The following RELL1 variants were observed in gnomAD, a reference collection of about 807,000 sequenced individuals.
RELL1 encodes the protein RELT-like protein 1.
A neutral mutation model predicts 23.0 loss-of-function variants in RELL1; 10 were observed. The observed-to-expected ratio is 0.43, with a 90% CI of 0.27 to 0.74. The LOEUF (loss-of-function observed/expected upper bound fraction) is 0.74, where lower values mean the gene tolerates loss of function less well. RELL1 is among the 30% of genes least tolerant of loss of function. The pLI is 0.19. For missense variants in RELL1, 315 were observed against 364.4 expected, an observed-to-expected ratio of 0.86 and a Z score of 1.10; for synonymous variants, 146 against 146.8, an observed-to-expected ratio of 0.99 and a Z score of 0.04.
downstream of RELL1, among the ~76,000 whole-genome samples, chr4:37,605,781 GAGAGAAAGAA>G (rs1719176732): frequency 8.4e-6 from 1 of 119,600 alleles, no homozygotes; most frequent in Non-Finnish European, 1.7e-5. Context: ...GAGAGAGAGA[GAGAGAAAGAA>G]AGAGAAAGAA....
chr4:37,598,521 A>G (rs1446823445), intron 6 of RELL1, among the ~76,000 whole-genome samples: 2 of 152,100 alleles, frequency 1.3e-5, no homozygotes, highest in Non-Finnish European at 2.9e-5. Flanking sequence ...TAAGTACTGC[A>G]CGTGAATCAT....
At chr4:37,603,528 C>A (rs1046943732) in intron 6 of RELL1, among the ~76,000 whole-genome samples, 3 of 152,168 alleles carry the variant, frequency 2.0e-5, no homozygotes, top group Non-Finnish European at 4.4e-5. Context: ...CTCAGTGATA[C>A]TATGCACTAA....
chr4:37,602,967 T>C (rs745922384), intron 6 of RELL1, among the ~76,000 whole-genome samples: 2 of 152,074 alleles, frequency 1.3e-5, no homozygotes, highest in Non-Finnish European at 2.9e-5. Flanking sequence ...AGAAAAACAA[T>C]AAAGACAAAC....
chr4:37,617,158 C>T (rs1421382430), intron 6 of RELL1, among the ~76,000 whole-genome samples: 3 of 152,156 alleles, frequency 2.0e-5, no homozygotes, highest in Admixed American at 2.0e-4. Context: ...GCTTTAGAAT[C>T]GGCTTAAATA....
At chr4:37,619,119 T>A (rs182540254) in intron 6 of RELL1, among the ~76,000 whole-genome samples, 3 of 152,110 alleles carry the variant, frequency 2.0e-5, no homozygotes, top group Admixed American at 6.6e-5. Context: ...CCTCAGGTGA[T>A]CTACCTGCCT....
intron 6 of RELL1, among the ~76,000 whole-genome samples, chr4:37,599,566 T>C (rs1048478411): frequency 1.3e-5 from 2 of 152,168 alleles, no homozygotes; most frequent in Non-Finnish European, 2.9e-5. Flanking sequence ...ATCCTATCTA[T>C]AGGAACAATG....
At chr4:37,600,279 A>T (rs1041768166) in intron 6 of RELL1, among the ~76,000 whole-genome samples, 45 of 152,190 alleles carry the variant, frequency 3.0e-4, no homozygotes, top group African/African-American at 4.8e-4. Flanking sequence ...CAAAAAAAAA[A>T]AAAAAAAAAA....
intron 1 of RELL1, among the ~76,000 whole-genome samples, chr4:37,676,357 C>T (rs57596844): frequency 0.073 from 11,172 of 152,014 alleles, 600 homozygotes; most frequent in South Asian, 0.18. Context: ...AAAGAAGCCA[C>T]GAAACAATTG....
At chr4:37,605,209 C>A (rs112793583) in intron 6 of RELL1, among the ~76,000 whole-genome samples, 1 of 151,926 alleles carries the variant, frequency 6.6e-6, no homozygotes, top group Non-Finnish European at 1.5e-5. Flanking sequence ...CAGATAGATA[C>A]AAAAAATACA....
chr4:37,674,884 A>T (rs899722815), intron 1 of RELL1, among the ~76,000 whole-genome samples: 3 of 152,188 alleles, frequency 2.0e-5, no homozygotes, highest in Non-Finnish European at 4.4e-5. Flanking sequence ...TTTTAACCCT[A>T]CCTGTCTTGT....
chr4:37,592,409 G>A (rs1718665563), intron 6 of RELL1, among the ~76,000 whole-genome samples: 1 of 149,508 alleles, frequency 6.7e-6, no homozygotes, highest in African/African-American at 2.5e-5. Flanking sequence ...GGAAGGGACC[G>A]AGCTGGTTTG....
chr4:37,605,091 ACTGTTGG>A (rs1719155029), intron 6 of RELL1, among the ~76,000 whole-genome samples: 1 of 152,234 alleles, frequency 6.6e-6, no homozygotes, highest in African/African-American at 2.4e-5. Context: ...AGGTTTCCTC[ACTGTTGG>A]AGAAGAAAGT....
intron 6 of RELL1, among the ~76,000 whole-genome samples, chr4:37,592,330 A>G (rs1718656078): frequency 7.1e-6 from 1 of 141,786 alleles, no homozygotes; most frequent in East Asian, 2.1e-4. Context: ...AACCTGGGCA[A>G]TTTAGCGAGA....
intron 1 of RELL1, among the ~76,000 whole-genome samples, chr4:37,678,568 C>G (rs945756330): frequency 6.6e-6 from 1 of 152,186 alleles, no homozygotes; most frequent in Non-Finnish European, 1.5e-5. Flanking sequence ...GGCTCAGGAG[C>G]AACAGGTGAC....
At chr4:37,596,729 TATA>T (rs1310183224) in intron 6 of RELL1, among the ~76,000 whole-genome samples, 95 of 21,802 alleles carry the variant, frequency 4.4e-3, no homozygotes, top group Non-Finnish European at 8.1e-3. Context: ...TATATATATA[TATA>T]TATATTTTTT....
At chr4:37,665,705 C>A (rs919568892) in intron 1 of RELL1, among the ~76,000 whole-genome samples, 13 of 152,192 alleles carry the variant, frequency 8.5e-5, no homozygotes, top group African/African-American at 2.7e-4. Flanking sequence ...GCCATCTCAG[C>A]CTGTCTCCAG....
Position 37,665,173 on chromosome 4 carries a change from T to G in RELL1, c.89-15673A>C, listed in dbSNP as rs150300798. 5.8e-3 allele frequency: 2,611 copies of G among 446,832 alleles called. 68 individuals carry two copies. The highest frequency in any genetic ancestry group is 0.053 in the East Asian group (753 of 14,290). 27.7% of individuals were successfully genotyped at this position (446,832 alleles called of 1,614,324 possible). ...ATAAGCAGTTTTGTTAAGATCCTAT[T>G]TGGTAGAACAGAATATCCAGTGTAC... On this transcript the variant is annotated intron_variant, in intron 1 of 6. Coordinates refer to ENST00000454158, the MANE Select transcript of RELL1 (RefSeq NM_001085400.2).
At chr4:37,588,873 G>C (rs934576778), downstream of RELL1, 9 of 1,613,262 alleles carry the variant, frequency 5.6e-6, no homozygotes, top group South Asian at 1.1e-5. Flanking sequence ...TCCAGATGGG[G>C]TGCAGGTGCT....
chr4:37,660,310 T>C (rs1206205144), intron 1 of RELL1, among the ~76,000 whole-genome samples: 8 of 151,988 alleles, frequency 5.3e-5, no homozygotes, highest in South Asian at 4.2e-4. Context: ...GAGCTGATGT[T>C]CTTCATGATT....
Sources: allele counts gnomAD v4.1 joint callset (sites outside exome capture counted in the v4.1 genomes callset), GRCh38; gene constraint gnomAD v4.1.1; transcripts MANE v1.5; gene names NCBI Gene and HGNC (gene_info 2026-07-23, HGNC 2026-07-21).